Variants in GPD2 observed in about 807,000 individuals in gnomAD.
GPD2 encodes the protein glycerol-3-phosphate dehydrogenase, mitochondrial.
In GPD2, 54 loss-of-function variants were observed where a neutral mutation model predicts 82.4. That is an observed-to-expected ratio of 0.66 (90% CI 0.53 to 0.82). The LOEUF is 0.82. GPD2 is among the 40% of genes least tolerant of loss of function. The pLI is 0.00. For synonymous variants in GPD2, 288 were observed against 306.1 expected, an observed-to-expected ratio of 0.94 and a Z score of 0.62; for missense variants, 748 against 896.2, an observed-to-expected ratio of 0.83 and a Z score of 2.11.
chr2:156,578,853 A>G (rs371939052), intron 13 of GPD2, 36 bp from the exon 14 acceptor site: 6 of 1,165,668 alleles, frequency 5.1e-6, no homozygotes, highest in Non-Finnish European at 7.8e-6. Context: ...CAATATTTCC[A>G]TGTGTCTTTG....
the GPD2 span, among the ~76,000 whole-genome samples, chr2:156,401,680 C>A: frequency 2.6e-5 from 4 of 152,156 alleles, no homozygotes; most frequent in African/African-American, 7.2e-5. Context: ...TAAATTGGAA[C>A]TATGTGATTT....
the GPD2 span, among the ~76,000 whole-genome samples, chr2:156,421,421 G>T: frequency 6.6e-6 from 1 of 152,196 alleles, no homozygotes; most frequent in African/African-American, 2.4e-5. Context: ...GGGGCAGAAA[G>T]AGGTTGAGTA....
At chr2:156,566,038 C>G (rs767401811) in intron 9 of GPD2, among the ~76,000 whole-genome samples, 5 of 152,044 alleles carry the variant, frequency 3.3e-5, no homozygotes, top group African/African-American at 4.8e-5. Context: ...CCTCTGCTCA[C>G]AAAACTGTGA....
the GPD2 span, among the ~76,000 whole-genome samples, chr2:156,404,157 C>T: frequency 2.6e-4 from 40 of 152,038 alleles, no homozygotes; most frequent in East Asian, 7.3e-3. Context: ...CAACTGAGGC[C>T]AGGAGTTTGA....
chr2:156,437,729 T>C (rs1208116119), intron 1 of GPD2, among the ~76,000 whole-genome samples: 2 of 152,210 alleles, frequency 1.3e-5, no homozygotes, highest in Non-Finnish European at 2.9e-5. Flanking sequence ...AAAGAAATTC[T>C]AAACAGCATT....
intron 9 of GPD2, among the ~76,000 whole-genome samples, chr2:156,567,957 T>C (rs1687451128): frequency 2.0e-5 from 3 of 152,146 alleles, no homozygotes; most frequent in Admixed American, 2.0e-4. Context: ...CCATATAATA[T>C]AATTCAAGTA....
the GPD2 span, among the ~76,000 whole-genome samples, chr2:156,426,697 G>C: frequency 6.6e-6 from 1 of 152,272 alleles, no homozygotes; most frequent in Admixed American, 6.5e-5. Context: ...CCATATTCCT[G>C]AACTACATGT....
chr2:156,480,930 A>C (rs1046858008), intron 2 of GPD2, among the ~76,000 whole-genome samples: 1 of 151,330 alleles, frequency 6.6e-6, no homozygotes, highest in African/African-American at 2.4e-5. Flanking sequence ...AAGCACCCTG[A>C]TTCTAAGAAG....
chr2:156,409,399 A>G, the GPD2 span, among the ~76,000 whole-genome samples: 2 of 152,176 alleles, frequency 1.3e-5, no homozygotes, highest in African/African-American at 2.4e-5. Flanking sequence ...AAACACAACA[A>G]TAATAGTAGA....
At chr2:156,545,608 A>G (rs1442224970) in intron 6 of GPD2, among the ~76,000 whole-genome samples, 2 of 152,238 alleles carry the variant, frequency 1.3e-5, no homozygotes, top group Non-Finnish European at 2.9e-5. Flanking sequence ...CAGATCAATA[A>G]GTCTGTGATA....
At chr2:156,470,519 T>C (rs564563390) in intron 1 of GPD2, among the ~76,000 whole-genome samples, 1 of 152,208 alleles carries the variant, frequency 6.6e-6, no homozygotes, top group East Asian at 1.9e-4. Flanking sequence ...TTCTTACTTA[T>C]GCTAAATTTG....
At chr2:156,458,558 C>G (rs1211722992) in intron 1 of GPD2, among the ~76,000 whole-genome samples, 1 of 152,212 alleles carries the variant, frequency 6.6e-6, no homozygotes, top group Non-Finnish European at 1.5e-5. Flanking sequence ...GCAGATAATT[C>G]TGTGACATTT....
At chr2:156,526,128 A>G (rs1034700058) in intron 6 of GPD2, among the ~76,000 whole-genome samples, 1 of 152,208 alleles carries the variant, frequency 6.6e-6, no homozygotes, top group African/African-American at 2.4e-5. Flanking sequence ...AAAAGCAGGG[A>G]CCAACTTTTA....
intron 6 of GPD2, among the ~76,000 whole-genome samples, chr2:156,527,574 A>G (rs1417105588): frequency 6.6e-6 from 1 of 152,136 alleles, no homozygotes; most frequent in Admixed American, 6.5e-5. Flanking sequence ...TTTTCTGTTC[A>G]AAACCAAATA....
chr2:156,539,570 A>G (rs924780880), intron 6 of GPD2, among the ~76,000 whole-genome samples: 2 of 152,170 alleles, frequency 1.3e-5, no homozygotes, highest in Admixed American at 1.3e-4. Flanking sequence ...CTTACCATGA[A>G]ACAGATAAAG....
chr2:156,577,937 A>G (rs1687884905), intron 13 of GPD2, among the ~76,000 whole-genome samples: 1 of 152,184 alleles, frequency 6.6e-6, no homozygotes, highest in Non-Finnish European at 1.5e-5. Context: ...AGTAGCATAT[A>G]TCATACCTAT....
chr2:156,569,229 G>A (rs1297014797), intron 10 of GPD2, 134 bp from the exon 11 acceptor site: 3 of 714,410 alleles, frequency 4.2e-6, no homozygotes, highest in African/African-American at 3.6e-5. Flanking sequence ...TTTTTATTCT[G>A]AATTAAGTTT....
chr2:156,575,080 AG>A (rs1297870858), intron 13 of GPD2, among the ~76,000 whole-genome samples: 1 of 152,216 alleles, frequency 6.6e-6, no homozygotes, highest in East Asian at 1.9e-4. Flanking sequence ...TATACCTTAG[AG>A]TACTCAGAGA....
chr2:156,504,425 G>A (rs1474253594), intron 3 of GPD2, among the ~76,000 whole-genome samples: 1 of 151,170 alleles, frequency 6.6e-6, no homozygotes, highest in East Asian at 1.9e-4. Context: ...TTTCCTACAT[G>A]CAGCATGTGG....
Sources: allele counts gnomAD v4.1 joint callset (sites outside exome capture counted in the v4.1 genomes callset), GRCh38; gene constraint gnomAD v4.1.1; transcripts MANE v1.5; gene names NCBI Gene and HGNC (gene_info 2026-07-23, HGNC 2026-07-21).